HBS1L: variants seen among roughly 807,000 people sequenced by gnomAD.
HBS1L encodes the protein HBS1-like protein.
HBS1L carries 55 observed loss-of-function variants against 88.9 expected under a neutral mutation model. The ratio of observed to expected loss-of-function variants is 0.62; its 90% CI spans 0.50 to 0.77. The LOEUF is 0.77. HBS1L is among the 30% of genes least tolerant of loss of function. The pLI, the probability that HBS1L is intolerant of heterozygous loss-of-function variation, is 0.00. For missense variants in HBS1L, 741 were observed against 829.3 expected (o/e 0.89, Z 1.31); for synonymous variants, 267 against 288.5 (o/e 0.93, Z 0.76).
At chr6:135,035,338 T>C (rs1234897641) in intron 4 of HBS1L, among the ~76,000 whole-genome samples, 1 of 151,710 alleles carries the variant, frequency 6.6e-6, no homozygotes, top group Non-Finnish European at 1.5e-5. Context: ...TAGTCCCAGC[T>C]ACTCAGGAGG....
At chr6:134,997,899 A>G (rs1469081688) in intron 5 of HBS1L, among the ~76,000 whole-genome samples, 4 of 152,188 alleles carry the variant, frequency 2.6e-5, no homozygotes, top group African/African-American at 9.6e-5. Flanking sequence ...GAAGAAAATA[A>G]TGTTGAAAAA....
chr6:134,988,450 A>C (rs1279461935), intron 8 of HBS1L, among the ~76,000 whole-genome samples: 2 of 151,910 alleles, frequency 1.3e-5, no homozygotes, highest in South Asian at 2.1e-4. Context: ...TTACCAAAAA[A>C]AAAAAACATA....
rs1050408498 is a variant in HBS1L at position 134,977,158 on chromosome 6, T to C, written c.1797+1521A>G. On this transcript the variant is annotated intron_variant, in intron 15 of 17. Coordinates refer to ENST00000367837, the MANE Select transcript of HBS1L (RefSeq NM_006620.4). ...TATTTTTCTGAAACAAATTTGATCC[T>C]GGTATTTCTGAATCAATATATGCTG... 3.3e-5 allele frequency among the ~76,000 whole-genome samples: 5 copies of C among 152,126 alleles called. No individual in the cohort carries two copies. The South Asian group carries it at 6.2e-4, about 19-fold the overall frequency.
intron 5 of HBS1L, among the ~76,000 whole-genome samples, chr6:135,001,020 G>C (rs778875885): frequency 1.3e-5 from 2 of 151,832 alleles, no homozygotes; most frequent in Non-Finnish European, 2.9e-5. Flanking sequence ...TGAGTATTTC[G>C]ATCTATAACT....
intron 4 of HBS1L, among the ~76,000 whole-genome samples, chr6:135,020,034 G>T (rs1776029282): frequency 6.6e-6 from 1 of 151,536 alleles, no homozygotes; most frequent in South Asian, 2.1e-4. Flanking sequence ...CTATATGTAT[G>T]TGTCTATTTT....
At chr6:134,996,637 AG>A in intron 7 of HBS1L, 139 bp downstream of exon 7, 4 of 557,716 alleles carry the variant, frequency 7.2e-6, no homozygotes, top group Non-Finnish European at 1.2e-5. Context: ...AAGTCAAAAT[AG>A]TTCCCTGATA....
At chr6:134,987,031 C>T (rs910642231) in intron 9 of HBS1L, among the ~76,000 whole-genome samples, 52 of 152,074 alleles carry the variant, frequency 3.4e-4, no homozygotes, top group Non-Finnish European at 5.3e-4. Flanking sequence ...AGTCTTAAAA[C>T]GTACATTCCC....
intron 15 of HBS1L, among the ~76,000 whole-genome samples, chr6:134,976,791 A>T (rs1774661129): frequency 6.6e-6 from 1 of 152,040 alleles, no homozygotes. Context: ...AAGAAACTAC[A>T]TCTTGGGTAC....
At chr6:135,032,587 C>G (rs1776419859) in intron 4 of HBS1L, among the ~76,000 whole-genome samples, 1 of 152,104 alleles carries the variant, frequency 6.6e-6, no homozygotes, top group South Asian at 2.1e-4. Flanking sequence ...ATACACAGTA[C>G]TTTCTCAACA....
intron 4 of HBS1L, among the ~76,000 whole-genome samples, chr6:135,006,797 G>A (rs994681362): frequency 6.6e-5 from 10 of 152,020 alleles, no homozygotes; most frequent in Non-Finnish European, 1.2e-4. Context: ...TGATGATGAC[G>A]ATGATGGGGT....
chr6:135,035,519 T>C (rs1425275260), intron 4 of HBS1L, among the ~76,000 whole-genome samples: 1 of 150,908 alleles, frequency 6.6e-6, no homozygotes, highest in Non-Finnish European at 1.5e-5. Context: ...GGCGGGCGGA[T>C]CATGAGGTCA....
chr6:134,999,931 TAAA>T (rs942204292), intron 5 of HBS1L, among the ~76,000 whole-genome samples: 6 of 152,218 alleles, frequency 3.9e-5, no homozygotes, highest in African/African-American at 1.4e-4. Flanking sequence ...AGATAAGGTC[TAAA>T]AATGACCATT....
At chr6:134,986,859 C>T (rs751538667) in intron 9 of HBS1L, 49 bp from the exon 10 acceptor site, 9 of 897,044 alleles carry the variant, frequency 1.0e-5, no homozygotes, top group African/African-American at 1.7e-5. Flanking sequence ...GAACATGATA[C>T]ATAAAATTTA....
rs570552587 is a variant in HBS1L at position 134,997,724 on chromosome 6, G to A, written c.540-68C>T. The A allele has an allele frequency of 2.9e-6, 4 of 1,392,136 alleles. No homozygotes were observed. In the Admixed American group the frequency reaches 6.8e-5, roughly 24 times the overall value. The allele number at this position is 1,392,136 out of a possible 1,614,324, so 86.2% of individuals were successfully genotyped here. A position where few individuals can be genotyped will look rare whatever the true frequency, so the allele number is the denominator to read the frequency against. The stretch of plus-strand genomic sequence containing the variant: ...ATTGATGTCCTACAATGACAGAAGG[G>A]CAGAGAAACTGTTTCTTCATAATCC... On this transcript the variant is annotated intron_variant, in intron 5 of 17. Coordinates refer to ENST00000367837, the MANE Select transcript of HBS1L (RefSeq NM_006620.4).
rs979072501 is a variant in HBS1L, at chr6:134,979,049, C to G, written c.1688+129G>C. The stretch of plus-strand genomic sequence containing the variant: ...TTCAAATTTTAAGTAAGTTTGCTTA[C>G]ATTTACACAGGTGTCTATTTTTGGT... On this transcript the variant is annotated intron_variant, in intron 14 of 17. Coordinates refer to ENST00000367837, the MANE Select transcript of HBS1L (RefSeq NM_006620.4). 4 of 685,004 alleles carry G rather than the reference C, an allele frequency of 5.8e-6. No homozygotes were observed. In the African/African-American group the frequency reaches 7.2e-5, roughly 12 times the overall value. The allele number at this position is 685,004 out of a possible 1,614,324, so 42.4% of individuals were successfully genotyped here. A position where few individuals can be genotyped will look rare whatever the true frequency, so the allele number is the denominator to read the frequency against.
At chr6:134,998,656 C>T (rs1050274890) in intron 5 of HBS1L, among the ~76,000 whole-genome samples, 1 of 152,206 alleles carries the variant, frequency 6.6e-6, no homozygotes, top group East Asian at 1.9e-4. Flanking sequence ...GTAAGCACAT[C>T]TATTTTCTTC....
At chr6:135,003,555 A>C (rs1775523989) in intron 4 of HBS1L, among the ~76,000 whole-genome samples, 1 of 145,664 alleles carries the variant, frequency 6.9e-6, no homozygotes, top group African/African-American at 2.5e-5. Context: ...TGACAAAGCA[A>C]GACTCCATCT....
intron 8 of HBS1L, among the ~76,000 whole-genome samples, chr6:134,992,134 A>G (rs1040409012): frequency 6.6e-6 from 1 of 152,192 alleles, no homozygotes. Context: ...TGTTTTTGCC[A>G]TGTAACAGAG....
At chr6:135,006,961 A>G (rs1177659638) in intron 4 of HBS1L, among the ~76,000 whole-genome samples, 1 of 152,218 alleles carries the variant, frequency 6.6e-6, no homozygotes, top group African/African-American at 2.4e-5. Context: ...TTATGACACT[A>G]ATTCCAACTT....
Sources: allele counts gnomAD v4.1 joint callset (sites outside exome capture counted in the v4.1 genomes callset), GRCh38; gene constraint gnomAD v4.1.1; transcripts MANE v1.5; gene names NCBI Gene and HGNC (gene_info 2026-07-23, HGNC 2026-07-21).